The following IQGAP2 variants were observed in gnomAD, a reference collection of about 807,000 sequenced individuals.
IQGAP2 encodes the protein ras GTPase-activating-like protein IQGAP2.
Under a neutral mutation model 201.3 loss-of-function variants are expected in IQGAP2, and 173 were observed. That is an observed-to-expected ratio of 0.86 (90% CI 0.76 to 0.98). IQGAP2 has a LOEUF of 0.98. Ranked by LOEUF, IQGAP2 falls within the 50% of genes least tolerant of loss-of-function variation. The probability of loss-of-function intolerance (pLI) is 0.00; values close to 1 mark genes in which losing one functional copy is unlikely to be tolerated. For missense variants in IQGAP2, 1,687 were observed against 1,864.8 expected (o/e 0.90, Z 1.76); for synonymous variants, 675 against 673.9 (o/e 1.00, Z -0.03).
intron 2 of IQGAP2, among the ~76,000 whole-genome samples, chr5:76,528,628 A>C (rs1233803824): frequency 6.6e-6 from 1 of 152,204 alleles, no homozygotes; most frequent in Non-Finnish European, 1.5e-5. Flanking sequence ...AACAATGAAA[A>C]GTCTAACCTC....
chr5:76,404,936 C>T (rs568228639), intron 1 of IQGAP2, among the ~76,000 whole-genome samples: 1 of 148,430 alleles, frequency 6.7e-6, no homozygotes, highest in Non-Finnish European at 1.5e-5. Flanking sequence ...CAGCAGAGCC[C>T]GTTGGGTTCA....
At chr5:76,513,682 G>T (rs1758126924) in intron 2 of IQGAP2, among the ~76,000 whole-genome samples, 2 of 152,178 alleles carry the variant, frequency 1.3e-5, no homozygotes, top group South Asian at 4.1e-4. Context: ...AGAGTAAAAG[G>T]ATCAGTGGTT....
At chr5:76,463,077 C>T (rs773437472) in intron 2 of IQGAP2, among the ~76,000 whole-genome samples, 10 of 132,798 alleles carry the variant, frequency 7.5e-5, no homozygotes, top group African/African-American at 1.2e-4. Flanking sequence ...GAGCTGAGAT[C>T]GGGCTGCTGC....
At chr5:76,662,748 C>A (rs570900903) in intron 21 of IQGAP2, among the ~76,000 whole-genome samples, 25 of 152,332 alleles carry the variant, frequency 1.6e-4, no homozygotes, top group African/African-American at 6.0e-4. Context: ...CCCCCTTGAC[C>A]TCTATCTGGT....
chr5:76,537,315 CT>C (rs1759681393), intron 2 of IQGAP2, among the ~76,000 whole-genome samples: 1 of 152,166 alleles, frequency 6.6e-6, no homozygotes, highest in African/African-American at 2.4e-5. Context: ...TTTCCAGCCA[CT>C]TTTGATTATC....
rs146915603 is a variant in IQGAP2 at position 76,664,669 on chromosome 5, C to T, written c.2530-357C>T. Among the ~76,000 whole-genome samples, 955 of 134,682 alleles carry T rather than the reference C, an allele frequency of 7.1e-3. 5 individuals are homozygous for T. Among genetic ancestry groups the T allele is most frequent in the African/African-American group, 0.025 (892 of 36,038 alleles). 88.4% of individuals were successfully genotyped at this position (134,682 alleles called of 152,430 possible). ...CTGCACTCCAGCCTGGGTGACAAAG[C>T]GAGACTCCATTTCAAAAAAAAAAAA... On this transcript the variant is annotated intron_variant, in intron 21 of 35. Coordinates refer to ENST00000274364, the MANE Select transcript of IQGAP2 (RefSeq NM_006633.5).
intron 1 of IQGAP2, among the ~76,000 whole-genome samples, chr5:76,445,366 A>G (rs982695177): frequency 6.6e-6 from 1 of 152,230 alleles, no homozygotes; most frequent in African/African-American, 2.4e-5. Flanking sequence ...TGTGAAGATT[A>G]AATGAGTTAA....
At chr5:76,506,579 C>G (rs1757617650) in intron 2 of IQGAP2, among the ~76,000 whole-genome samples, 1 of 152,196 alleles carries the variant, frequency 6.6e-6, no homozygotes. Flanking sequence ...AATATTAGAG[C>G]ATCTACTTTT....
At chr5:76,637,996 G>A (rs2432181) in intron 16 of IQGAP2, among the ~76,000 whole-genome samples, 143,504 of 152,324 alleles carry the variant, frequency 0.94, 67,881 homozygotes, top group African/African-American at 0.98. Flanking sequence ...AAAGCAATTT[G>A]TCCCTCCTCT....
intron 1 of IQGAP2, among the ~76,000 whole-genome samples, chr5:76,453,860 T>G (rs1252579391): frequency 3.9e-5 from 6 of 152,234 alleles, no homozygotes; most frequent in Admixed American, 3.9e-4. Flanking sequence ...GAGTTGAGTT[T>G]CTTTCCCTTC....
chr5:76,503,883 G>A (rs1043027342), intron 2 of IQGAP2, among the ~76,000 whole-genome samples: 3 of 152,112 alleles, frequency 2.0e-5, no homozygotes, highest in African/African-American at 4.8e-5. Flanking sequence ...GTGAGCCACC[G>A]CACCTGACCT....
chr5:76,487,721 A>G (rs1756256197), intron 2 of IQGAP2, among the ~76,000 whole-genome samples: 1 of 151,900 alleles, frequency 6.6e-6, no homozygotes, highest in Non-Finnish European at 1.5e-5. Context: ...CTTTTCCTAC[A>G]TGGGGTAGGG....
chr5:76,459,561 G>C (rs1180397467), intron 1 of IQGAP2, among the ~76,000 whole-genome samples: 1 of 152,184 alleles, frequency 6.6e-6, no homozygotes. Flanking sequence ...GGGATTAACT[G>C]TTCAGAACAG....
intron 9 of IQGAP2, among the ~76,000 whole-genome samples, chr5:76,595,484 G>A (rs577703172): frequency 1.6e-4 from 24 of 151,880 alleles, no homozygotes; most frequent in African/African-American, 5.8e-4. Flanking sequence ...TTCAGGCTAG[G>A]TGCAGTGACT....
intron 2 of IQGAP2, among the ~76,000 whole-genome samples, chr5:76,557,687 GAA>G (rs1744042947): frequency 6.6e-6 from 1 of 152,220 alleles, no homozygotes; most frequent in South Asian, 2.1e-4. Context: ...ATTATAAAGA[GAA>G]AGAAGAAATG....
intron 11 of IQGAP2, among the ~76,000 whole-genome samples, chr5:76,601,467 C>A (rs888009091): frequency 6.6e-6 from 1 of 152,214 alleles, no homozygotes; most frequent in African/African-American, 2.4e-5. Context: ...CAGTGGGTAA[C>A]AACATCCATT....
rs868089850 is a variant in IQGAP2 at position 76,521,115 on chromosome 5, T to G, written c.147-41281T>G. The stretch of plus-strand genomic sequence containing the variant: ...CCATTGATTCTGATGTTTGGGGGTT[T>G]TTTGTTTGTTTTTTTACCTTTCTTC... On this transcript the variant is annotated intron_variant, in intron 2 of 35. Transcript: ENST00000274364. Among the ~76,000 whole-genome samples the G allele has an allele frequency of 4.6e-5, 3 of 64,622 alleles. No homozygotes were observed. In the South Asian group the frequency reaches 2.5e-3, roughly 54 times the overall value. The allele number at this position is 64,622 out of a possible 152,430, so 42.4% of individuals were successfully genotyped here. A position where few individuals can be genotyped will look rare whatever the true frequency, so the allele number is the denominator to read the frequency against.
intron 1 of IQGAP2, among the ~76,000 whole-genome samples, chr5:76,456,769 T>A (rs1358662549): frequency 6.6e-6 from 1 of 152,088 alleles, no homozygotes; most frequent in African/African-American, 2.4e-5. Context: ...TTGAAACACA[T>A]AGAATAACAA....
chr5:76,480,318 C>A (rs1755697708), intron 2 of IQGAP2, among the ~76,000 whole-genome samples: 1 of 152,204 alleles, frequency 6.6e-6, no homozygotes, highest in South Asian at 2.1e-4. Context: ...CCTCTTCTCT[C>A]AAACATGGCC....
Sources: allele counts gnomAD v4.1 joint callset (sites outside exome capture counted in the v4.1 genomes callset), GRCh38; gene constraint gnomAD v4.1.1; transcripts MANE v1.5; gene names NCBI Gene and HGNC (gene_info 2026-07-23, HGNC 2026-07-21).